Variants in C4orf50 observed in about 807,000 individuals in gnomAD.
C4orf50 encodes the protein uncharacterized protein C4orf50.
In C4orf50, 80 loss-of-function variants were observed where a neutral mutation model predicts 77.2. The observed-to-expected ratio is 1.04, with a 90% CI of 0.87 to 1.25. The LOEUF is 1.25. Among genes scored for constraint, C4orf50 ranks in the 50% most tolerant of loss-of-function variants. C4orf50 has a pLI of 0.00. For missense variants in C4orf50, 1,257 were observed against 1,152.9 expected, an observed-to-expected ratio of 1.09 and a Z score of -1.31; for synonymous variants, 532 against 465.3, an observed-to-expected ratio of 1.14 and a Z score of -1.84.
intron 28 of C4orf50, among the ~76,000 whole-genome samples, chr4:5,984,556 T>G (rs1720761826): frequency 6.6e-6 from 1 of 152,148 alleles, no homozygotes; most frequent in Non-Finnish European, 1.5e-5. Context: ...ATTCTAGAAC[T>G]GCAAAATACA....
In C4orf50 at chr4:6,007,168, A is replaced by G. The variant is rs982890935; in HGVS notation, c.963+828T>C. Among the ~76,000 whole-genome samples, 1 of 152,136 alleles carries G rather than the reference A, an allele frequency of 6.6e-6. No homozygotes were observed. Among genetic ancestry groups the G allele is most frequent in the South Asian group, 2.1e-4 (1 of 4,826 alleles). ...AGTGGCCAGAGGGGTAGATAGATGA[A>G]CACATGGTGTGGTGAATGAGAAGAT... On this transcript the variant is annotated intron_variant, in intron 25 of 33. Transcript: ENST00000531445. The surrounding 1 kb of genome is among the most constrained non-coding windows in gnomAD (Gnocchi z 4.1).
At chr4:5,965,227 T>C in intron 32 of C4orf50, 82 bp from the exon 11 acceptor site, 4 of 1,389,280 alleles carry the variant, frequency 2.9e-6, no homozygotes, top group Non-Finnish European at 4.0e-6. Flanking sequence ...TGTCATAACC[T>C]TCTTCACTCT....
chr4:6,008,520 T>C lies in C4orf50; in HGVS notation c.439A>G (p.Ser147Gly). ...CGCCACTGCTGCCGCCTGGCCACGC[T>C]CTCCTCCCGGATCTACAAGTTGGCG... The change falls in exon 25 of 34, where the codon AGC becomes GGC. Residue 147 changes from serine (S) to glycine (G), a missense_variant. Coordinates refer to ENST00000531445, the Ensembl canonical transcript of C4orf50. This position sits in a 1 kb window ranked among gnomAD's most constrained non-coding sequence, Gnocchi z 6.0. 1 of 397,846 alleles carries C rather than the reference T, an allele frequency of 2.5e-6. No individual in the cohort carries two copies. Among genetic ancestry groups the C allele is most frequent in the Non-Finnish European group, 4.4e-6 (1 of 225,596 alleles). 24.6% of individuals were successfully genotyped at this position (397,846 alleles called of 1,614,324 possible). A position where few individuals can be genotyped will look rare whatever the true frequency, so the allele number is the denominator to read the frequency against.
At chr4:5,938,787 TTTC>T (rs1560552202) in intron 7 of C4orf50, among the ~76,000 whole-genome samples, 1 of 116,524 alleles carries the variant, frequency 8.6e-6, no homozygotes, top group East Asian at 2.0e-4. Flanking sequence ...GTCAGTTTTT[TTTC>T]TTTTCTTTTT....
At chr4:5,957,406 A>C (rs1719030225) in exon 34 of C4orf50, 1 of 152,194 alleles carries the variant, frequency 6.6e-6, no homozygotes, top group Admixed American at 6.5e-5. Context: ...AAAGCTAATG[A>C]CATTGTCCCA....
At chr4:5,921,714 G>T in intron 7 of C4orf50, among the ~76,000 whole-genome samples, 1 of 152,180 alleles carries the variant, frequency 6.6e-6, no homozygotes, top group East Asian at 1.9e-4. Flanking sequence ...CCATGCAAAG[G>T]TAGAGAGTTT....
chr4:5,940,487 G>C (rs909354378), intron 7 of C4orf50, among the ~76,000 whole-genome samples: 2 of 152,202 alleles, frequency 1.3e-5, no homozygotes, highest in Non-Finnish European at 2.9e-5. Context: ...TGGTGACAGT[G>C]AAGTCCTCGC....
chr4:6,010,456 C>T (rs1722447312), intron 24 of C4orf50, among the ~76,000 whole-genome samples: 1 of 152,200 alleles, frequency 6.6e-6, no homozygotes, highest in South Asian at 2.1e-4. Flanking sequence ...TTCTGAGTTT[C>T]CCACTATAAG....
intron 7 of C4orf50, among the ~76,000 whole-genome samples, chr4:5,929,308 C>T (rs551260863): frequency 8.5e-5 from 13 of 152,260 alleles, no homozygotes; most frequent in African/African-American, 2.4e-4. Context: ...TGTCAGCAGA[C>T]GTTTTTTTGA....
intron 7 of C4orf50, among the ~76,000 whole-genome samples, chr4:5,938,082 G>A (rs78770299): frequency 0.014 from 2,139 of 152,212 alleles, 59 homozygotes; most frequent in African/African-American, 0.049. Flanking sequence ...TGTAATGGAC[G>A]TATATATAAA....
chr4:5,904,641 T>C (rs1716472161), intron 7 of C4orf50: 1 of 152,200 alleles, frequency 6.6e-6, no homozygotes, highest in Non-Finnish European at 1.5e-5. Flanking sequence ...CAGAGTCCTT[T>C]CTGCCGAGAC....
In C4orf50 at chr4:5,970,361, C is replaced by A. The variant is rs1230212621; in HGVS notation, c.4105-2899G>T. Among the ~76,000 whole-genome samples, 2 of 152,132 alleles carry A rather than the reference C, an allele frequency of 1.3e-5. No individual in the cohort carries two copies. The highest frequency in any genetic ancestry group is 2.1e-4 in the South Asian group (1 of 4,824). On this transcript the variant is annotated intron_variant, in intron 31 of 33. Transcript: ENST00000531445. The surrounding 1 kb of genome is among the most constrained non-coding windows in gnomAD (Gnocchi z 4.3). ...CAGGGAGGCGGCAAGACCCGTGTTC[C>A]CAGCAGAAGGAAAAGTGACCTCTGC...
chr4:5,972,798 G>C (rs1051736594), intron 31 of C4orf50, among the ~76,000 whole-genome samples: 1 of 152,204 alleles, frequency 6.6e-6, no homozygotes, highest in East Asian at 1.9e-4. Context: ...CTAGTCTGGC[G>C]GGGGCGTTGC....
At chr4:5,922,752 C>T (rs749337381) in intron 7 of C4orf50, among the ~76,000 whole-genome samples, 4 of 152,158 alleles carry the variant, frequency 2.6e-5, no homozygotes. Flanking sequence ...ATCAAATGGG[C>T]AGATGGATGC....
chr4:6,008,168 T>C lies in C4orf50; in HGVS notation c.791A>G (p.His264Arg), dbSNP rs114443678. ...GCGGAGCTGGCGCTCGGTGGCCCGG[T>C]GCTCCTGCAGGCTGCGCGCCGCCTC... The change falls in exon 25 of 34, where the codon CAC (histidine) becomes CGC (arginine). Residue 264 changes from histidine (H) to arginine (R), a missense_variant. Coordinates refer to ENST00000531445, the Ensembl canonical transcript of C4orf50. This position sits in a 1 kb window ranked among gnomAD's most constrained non-coding sequence, Gnocchi z 6.0. 44 of 398,694 alleles carry C rather than the reference T, an allele frequency of 1.1e-4. No homozygotes were observed. Among genetic ancestry groups the C allele is most frequent in the African/African-American group, 8.8e-4 (43 of 48,738 alleles). 24.7% of individuals were successfully genotyped at this position (398,694 alleles called of 1,614,324 possible). A position where few individuals can be genotyped will look rare whatever the true frequency, so the allele number is the denominator to read the frequency against.
At chr4:5,974,052 C>T (rs1049847475) in intron 30 of C4orf50, among the ~76,000 whole-genome samples, 17 of 152,208 alleles carry the variant, frequency 1.1e-4, no homozygotes, top group African/African-American at 2.4e-5. Flanking sequence ...CCAGGGGCTC[C>T]GCACTGCCCT....
In C4orf50 at chr4:5,932,907, G is replaced by A. The variant is rs1359153930; in HGVS notation, c.*2474+23994C>T. Among the ~76,000 whole-genome samples the A allele has an allele frequency of 1.3e-5, 2 of 152,206 alleles. No individual in the cohort carries two copies. Among genetic ancestry groups the A allele is most frequent in the Non-Finnish European group, 2.9e-5 (2 of 68,042 alleles). ...GAGATAGTGCATTTATAATGGTGGT[G>A]CAGCTCCTGGCATACAGCAGCCACT... is the stretch of plus-strand genomic sequence containing the variant. On this transcript the variant is annotated intron_variant, in intron 7 of 7. Transcript: ENST00000324058. This position sits in a 1 kb window ranked among gnomAD's most constrained non-coding sequence, Gnocchi z 4.2.
rs989435640 is a variant in C4orf50, at chr4:5,919,741, A to C, written c.*2475-21553T>G. The stretch of plus-strand genomic sequence containing the variant: ...GGCCCTGGAGGGACCACACCAGCTG[A>C]AACCGCTGCCATGGCAGACAAGAAA... On this transcript the variant is annotated intron_variant, in intron 7 of 7. Coordinates refer to the C4orf50 transcript ENST00000324058. The surrounding 1 kb of genome is among the most constrained non-coding windows in gnomAD (Gnocchi z 6.5). Among the ~76,000 whole-genome samples the C allele has an allele frequency of 6.6e-6, 1 of 152,172 alleles. No homozygotes were observed. Among genetic ancestry groups the C allele is most frequent in the African/African-American group, 2.4e-5 (1 of 41,454 alleles).
rs76585847 is a variant in C4orf50 at position 6,001,592 on chromosome 4, G to A, written c.963+6404C>T. ...CAAGAAGCCAGATCATCTGCTTGCC[G>A]CCTCACAGGGCTGAAAAGGGGCCTC... On this transcript the variant is annotated intron_variant, in intron 25 of 33. Transcript: ENST00000531445. Among the ~76,000 whole-genome samples the A allele has an allele frequency of 6.1e-3, 923 of 152,226 alleles. 7 individuals carry two copies. The highest frequency in any genetic ancestry group is 0.021 in the African/African-American group (877 of 41,536).
Sources: allele counts gnomAD v4.1 joint callset (sites outside exome capture counted in the v4.1 genomes callset), GRCh38; gene constraint gnomAD v4.1.1; non-coding constraint Gnocchi (gnomAD v3.1); transcripts MANE v1.5; gene names NCBI Gene and HGNC (gene_info 2026-07-23, HGNC 2026-07-21).